Variants in PTPRG observed in about 807,000 individuals in gnomAD.
The protein encoded by PTPRG is protein tyrosine phosphatase receptor type G, also known as receptor-type tyrosine-protein phosphatase gamma.
Under a neutral mutation model 165.3 loss-of-function variants are expected in PTPRG, and 102 were observed. The observed-to-expected ratio is 0.62, with a 90% CI of 0.53 to 0.73. The LOEUF (loss-of-function observed/expected upper bound fraction) is 0.73. Among genes scored for constraint, PTPRG ranks in the 30% least tolerant of loss-of-function variants. The probability of loss-of-function intolerance (pLI) is 0.00; values close to 1 mark genes in which losing one functional copy is unlikely to be tolerated. For synonymous variants in PTPRG, 675 were observed against 669.5 expected (o/e 1.01, Z -0.13); for missense variants, 1,866 against 1,861.4 (o/e 1.00, Z -0.05).
At chr3:61,908,209 T>C (rs1017377557) in intron 2 of PTPRG, among the ~76,000 whole-genome samples, 2 of 149,674 alleles carry the variant, frequency 1.3e-5, no homozygotes, top group African/African-American at 2.5e-5. Flanking sequence ...GTGGATCACT[T>C]GAGGTCAGGA....
intron 1 of PTPRG, among the ~76,000 whole-genome samples, chr3:61,679,256 C>T (rs1288320447): frequency 6.6e-6 from 1 of 152,196 alleles, no homozygotes; most frequent in African/African-American, 2.4e-5. Context: ...TGGCAAGGAG[C>T]CCAACTGCGC....
At chr3:61,867,143 G>A (rs1212935063) in intron 2 of PTPRG, among the ~76,000 whole-genome samples, 3 of 152,262 alleles carry the variant, frequency 2.0e-5, no homozygotes, top group Non-Finnish European at 2.9e-5. Context: ...TTTTCTTGTC[G>A]CTATGATTCA....
chr3:61,978,502 G>A (rs1406041218), intron 2 of PTPRG, among the ~76,000 whole-genome samples: 1 of 116,718 alleles, frequency 8.6e-6, no homozygotes, highest in African/African-American at 4.1e-5. Flanking sequence ...AATAAAATAA[G>A]TTTGTAATAA....
chr3:62,085,874 C>G (rs1276671262), intron 5 of PTPRG, among the ~76,000 whole-genome samples: 2 of 152,154 alleles, frequency 1.3e-5, no homozygotes, highest in Non-Finnish European at 2.9e-5. Flanking sequence ...GAATTGTGTC[C>G]TGCCCTCAAA....
At chr3:61,816,776 A>T (rs1321605855) in intron 2 of PTPRG, among the ~76,000 whole-genome samples, 1 of 151,634 alleles carries the variant, frequency 6.6e-6, no homozygotes, top group African/African-American at 2.4e-5. Flanking sequence ...TATGATTGTG[A>T]AGGAGATAAT....
At chr3:61,965,910 ATTTC>A (rs774027139) in intron 2 of PTPRG, among the ~76,000 whole-genome samples, 2 of 152,300 alleles carry the variant, frequency 1.3e-5, no homozygotes, top group South Asian at 2.1e-4. Flanking sequence ...GCTATGCATG[ATTTC>A]TTTCTTTATT....
rs1417512670 is a variant in PTPRG, at chr3:62,195,608, G to A, written c.1327+438G>A. Among the ~76,000 whole-genome samples the A allele has an allele frequency of 6.6e-6, 1 of 152,050 alleles. No individual in the cohort carries two copies. The highest frequency in any genetic ancestry group is 2.1e-4 in the South Asian group (1 of 4,808). On this transcript the variant is annotated intron_variant, in intron 10 of 29. Transcript: ENST00000474889. This position sits in a 1 kb window ranked among gnomAD's most constrained non-coding sequence, Gnocchi z 4.4. ...CGACTTGCAAGCCACACAAACAAGCGCCTGCATGCAGGATCCTTGAGATTC... is the reference window on the plus strand; with the variant it reads ...CGACTTGCAAGCCACACAAACAAGCACCTGCATGCAGGATCCTTGAGATTC...
At chr3:62,069,669 CTCTCTCT>C (rs1701138396) in intron 4 of PTPRG, among the ~76,000 whole-genome samples, 1 of 148,330 alleles carries the variant, frequency 6.7e-6, no homozygotes. Flanking sequence ...CTCTCTCTCT[CTCTCTCT>C]CTCTCTCTCA....
chr3:62,181,062 A>AT (rs1705626198), intron 8 of PTPRG, among the ~76,000 whole-genome samples: 1 of 152,232 alleles, frequency 6.6e-6, no homozygotes, highest in Non-Finnish European at 1.5e-5. Context: ...CTGAATTGTA[A>AT]TTCAGGGCTT....
intron 1 of PTPRG, among the ~76,000 whole-genome samples, chr3:61,589,814 G>A (rs1189598151): frequency 6.6e-6 from 1 of 152,086 alleles, no homozygotes; most frequent in African/African-American, 2.4e-5. Context: ...ACAGCTGGAT[G>A]GATGGATAGA....
At chr3:62,037,945 G>C (rs886833934) in intron 4 of PTPRG, among the ~76,000 whole-genome samples, 1 of 152,184 alleles carries the variant, frequency 6.6e-6, no homozygotes, top group Non-Finnish European at 1.5e-5. Context: ...ACACTGAGAA[G>C]TAGGGCTTCA....
At chr3:61,810,012 G>A (rs1300542827) in intron 2 of PTPRG, among the ~76,000 whole-genome samples, 3 of 152,186 alleles carry the variant, frequency 2.0e-5, no homozygotes, top group Non-Finnish European at 4.4e-5. Context: ...GCAATGGGGG[G>A]CTGGGAAACT....
intron 20 of PTPRG, among the ~76,000 whole-genome samples, chr3:62,270,167 G>A (rs573813644): frequency 6.6e-6 from 1 of 152,098 alleles, no homozygotes; most frequent in South Asian, 2.1e-4. Flanking sequence ...AGGTATGGCA[G>A]TTGTTTGCAG....
At position 62,190,786 on chromosome 3, in the gene PTPRG, G is replaced by A. The variant is rs571988625; in HGVS notation, c.1034-683G>A. Among the ~76,000 whole-genome samples the A allele has an allele frequency of 1.3e-5, 2 of 152,178 alleles. No individual in the cohort carries two copies. The highest frequency in any genetic ancestry group is 1.9e-4 in the East Asian group (1 of 5,198). ...TCCAACGGCCTGGCTTCTTCAAAAC[G>A]TCCATCATGAAGAAAAAGGCTGTTG... On this transcript the variant is annotated intron_variant, in intron 8 of 29. Transcript: ENST00000474889. The surrounding 1 kb of genome is among the most constrained non-coding windows in gnomAD (Gnocchi z 5.2).
chr3:61,880,754 T>C (rs2037865933), intron 2 of PTPRG, among the ~76,000 whole-genome samples: 1 of 151,836 alleles, frequency 6.6e-6, no homozygotes, highest in South Asian at 2.1e-4. Flanking sequence ...TCTTGGGATA[T>C]AGGAGAAGAG....
intron 1 of PTPRG, among the ~76,000 whole-genome samples, chr3:61,613,217 CT>C (rs966060331): frequency 1.3e-5 from 2 of 152,100 alleles, no homozygotes; most frequent in African/African-American, 4.8e-5. Flanking sequence ...TAAACTGTGC[CT>C]TTTACTTTCT....
intron 2 of PTPRG, among the ~76,000 whole-genome samples, chr3:61,777,629 G>T (rs1420859202): frequency 2.6e-5 from 4 of 152,176 alleles, no homozygotes; most frequent in Admixed American, 2.6e-4. Flanking sequence ...GAAAAGAGTG[G>T]TGTAAAGCCA....
At chr3:61,801,583 T>C (rs1313268067) in intron 2 of PTPRG, among the ~76,000 whole-genome samples, 1 of 152,112 alleles carries the variant, frequency 6.6e-6, no homozygotes, top group African/African-American at 2.4e-5. Flanking sequence ...TCGGCTTGTG[T>C]CATAATGGAA....
At chr3:62,050,060 T>C (rs1402049927) in intron 4 of PTPRG, among the ~76,000 whole-genome samples, 1 of 152,204 alleles carries the variant, frequency 6.6e-6, no homozygotes, top group East Asian at 1.9e-4. Flanking sequence ...AAAAGGATAG[T>C]GTCTCTGAGT....
Sources: gnomAD v4.1 joint callset for allele counts (sites outside exome capture counted in the v4.1 genomes callset) on GRCh38, gnomAD v4.1.1 for gene constraint, Gnocchi (gnomAD v3.1) non-coding constraint, MANE v1.5 for transcripts, NCBI Gene and HGNC (gene_info 2026-07-23, HGNC 2026-07-21) for gene names.